The following RTL4 variants were observed in gnomAD, a reference collection of about 807,000 sequenced individuals.
RTL4 encodes the protein retrotransposon Gag-like protein 4.
Under a neutral mutation model 5.3 loss-of-function variants are expected in RTL4, and 4 were observed. The observed-to-expected ratio is 0.75, with a 90% confidence interval of 0.37 to 1.72. The LOEUF is 1.72. Ranked by LOEUF, RTL4 falls within the 40% of genes most tolerant of loss-of-function variation. The pLI is 0.04. For missense variants in RTL4, 260 were observed against 227.1 expected (o/e 1.14, Z -0.93); for synonymous variants, 98 against 87.3 (o/e 1.12, Z -0.68).
the RTL4 span, among the ~76,000 whole-genome samples, chrX:112,310,770 T>C: frequency 8.8e-5 from 7 of 79,725 alleles, no homozygotes; most frequent in African/African-American, 1.5e-4. Context: ...TTCAATATTA[T>C]ATATAATATA....
At chrX:112,268,721 G>A in the RTL4 span, among the ~76,000 whole-genome samples, 1 of 112,004 alleles carries the variant, frequency 8.9e-6, no homozygotes, top group African/African-American at 3.2e-5. Flanking sequence ...TCTGGAGAGA[G>A]CATCTTGTTA....
At chrX:112,189,219 C>T in the RTL4 span, among the ~76,000 whole-genome samples, 7 of 110,083 alleles carry the variant, frequency 6.4e-5, no homozygotes, top group Non-Finnish European at 1.3e-4. Flanking sequence ...CATAGCGAGA[C>T]CCCAACTCAA....
chrX:112,431,028 A>AG, the RTL4 span, among the ~76,000 whole-genome samples: 22 of 112,144 alleles, frequency 2.0e-4, no homozygotes, highest in East Asian at 6.2e-3. Context: ...TCCTATGATT[A>AG]GGTATCAGCC....
chrX:112,431,085 T>C, the RTL4 span, among the ~76,000 whole-genome samples: 1 of 111,352 alleles, frequency 9.0e-6, no homozygotes, highest in South Asian at 3.9e-4. Context: ...CCAGTGTTTC[T>C]GTTTTCTTTT....
the RTL4 span, among the ~76,000 whole-genome samples, chrX:112,240,779 A>G: frequency 1.8e-5 from 2 of 111,029 alleles, no homozygotes; most frequent in African/African-American, 6.6e-5. Context: ...GCACCCATTA[A>G]CGTGTCATCT....
At chrX:112,223,946 A>T in the RTL4 span, among the ~76,000 whole-genome samples, 1 of 111,594 alleles carries the variant, frequency 9.0e-6, no homozygotes, top group African/African-American at 3.3e-5. Flanking sequence ...ACCACGATCA[A>T]CTCACTCTTT....
the RTL4 span, among the ~76,000 whole-genome samples, chrX:112,151,783 C>CT: frequency 2.7e-5 from 3 of 111,509 alleles, no homozygotes; most frequent in African/African-American, 6.5e-5. Flanking sequence ...AATGACTAAT[C>CT]TAACTATTTT....
chrX:112,192,075 G>GTTTT, the RTL4 span, among the ~76,000 whole-genome samples: 1 of 78,919 alleles, frequency 1.3e-5, no homozygotes, highest in African/African-American at 4.9e-5. Flanking sequence ...AAATACTAGG[G>GTTTT]TTTTTTTTTT....
the RTL4 span, among the ~76,000 whole-genome samples, chrX:112,420,480 C>T: frequency 2.7e-5 from 3 of 111,575 alleles, no homozygotes; most frequent in Admixed American, 9.5e-5. Flanking sequence ...CCAACAGAGA[C>T]GTAATATGTT....
chrX:112,295,782 G>GTACA, the RTL4 span, among the ~76,000 whole-genome samples: 1 of 112,325 alleles, frequency 8.9e-6, no homozygotes, highest in Non-Finnish European at 1.9e-5. Context: ...AGCACTCTGA[G>GTACA]TACAGCTCAT....
chrX:112,124,447 A>G, the RTL4 span, among the ~76,000 whole-genome samples: 1 of 110,967 alleles, frequency 9.0e-6, no homozygotes, highest in African/African-American at 3.3e-5. Flanking sequence ...TAGACTGGAT[A>G]AAAAAAAATG....
At chrX:112,303,997 G>A in the RTL4 span, among the ~76,000 whole-genome samples, 7 of 110,546 alleles carry the variant, frequency 6.3e-5, no homozygotes, top group East Asian at 2.9e-4. Flanking sequence ...GAAGTGTTGC[G>A]TGTATAGTCT....
the RTL4 span, among the ~76,000 whole-genome samples, chrX:112,422,900 T>C: frequency 9.0e-6 from 1 of 111,321 alleles, no homozygotes; most frequent in South Asian, 3.8e-4. Flanking sequence ...ATAATGGAGA[T>C]AGTAATACCT....
chrX:112,272,950 G>A, the RTL4 span, among the ~76,000 whole-genome samples: 36 of 111,535 alleles, frequency 3.2e-4, no homozygotes, highest in Non-Finnish European at 2.6e-4. Flanking sequence ...ATACCAAGGT[G>A]AAATCTCATG....
At chrX:112,303,613 G>C in the RTL4 span, among the ~76,000 whole-genome samples, 1 of 58,290 alleles carries the variant, frequency 1.7e-5, no homozygotes, top group Non-Finnish European at 2.9e-5. Flanking sequence ...GTTGTGGGGT[G>C]GGGGGAGGGG....
At chrX:112,085,713 A>AC in the RTL4 span, among the ~76,000 whole-genome samples, 1 of 111,870 alleles carries the variant, frequency 8.9e-6, no homozygotes, top group African/African-American at 3.3e-5. Context: ...TTATCCCCTC[A>AC]CCATATAGAA....
the RTL4 span, among the ~76,000 whole-genome samples, chrX:112,311,053 G>A: frequency 9.3e-6 from 1 of 106,963 alleles, no homozygotes; most frequent in Non-Finnish European, 1.9e-5. Context: ...GCACTACTAG[G>A]CCTGTGTAAG....
the RTL4 span, among the ~76,000 whole-genome samples, chrX:112,129,077 A>C: frequency 1.8e-5 from 2 of 112,030 alleles, no homozygotes; most frequent in Non-Finnish European, 3.8e-5. Context: ...CCAAGAAGGA[A>C]ATAAAAAGAT....
At chrX:112,245,960 G>A in the RTL4 span, among the ~76,000 whole-genome samples, 2 of 112,540 alleles carry the variant, frequency 1.8e-5, no homozygotes, top group South Asian at 7.3e-4. Context: ...AGGTCCCTCA[G>A]CTGCAGGTCT....
Sources: gnomAD v4.1 joint callset for allele counts (sites outside exome capture counted in the v4.1 genomes callset) on GRCh38, gnomAD v4.1.1 for gene constraint, MANE v1.5 for transcripts, NCBI Gene and HGNC (gene_info 2026-07-23, HGNC 2026-07-21) for gene names.